The following PHF24 variants were observed in gnomAD, a reference collection of about 807,000 sequenced individuals.
The protein encoded by PHF24 is PHD finger protein 24.
A neutral mutation model predicts 42.6 loss-of-function variants in PHF24; 25 were observed. The ratio of observed to expected loss-of-function variants is 0.59; its 90% CI spans 0.43 to 0.82. PHF24 has a LOEUF of 0.82. PHF24 is among the 40% of genes least tolerant of loss of function. The pLI, the probability that PHF24 is intolerant of heterozygous loss-of-function variation, is 0.00. For synonymous variants in PHF24, 185 were observed against 204.8 expected, an observed-to-expected ratio of 0.90 and a Z score of 0.83; for missense variants, 470 against 538.1, an observed-to-expected ratio of 0.87 and a Z score of 1.25.
At chr9:34,698,770 G>A in the PHF24 span, among the ~76,000 whole-genome samples, 1 of 152,190 alleles carries the variant, frequency 6.6e-6, no homozygotes, top group South Asian at 2.1e-4. Context: ...GTGAGCCACC[G>A]TGCCCAGCCA....
chr9:34,832,655 T>A, the PHF24 span: 1 of 1,538,294 alleles, frequency 6.5e-7, no homozygotes, highest in Non-Finnish European at 8.8e-7. Context: ...CCAGAAAACA[T>A]TTAATTTTAT....
At chr9:34,894,561 A>T in the PHF24 span, 1 of 398,432 alleles carries the variant, frequency 2.5e-6, no homozygotes, top group Non-Finnish European at 4.4e-6. Context: ...GGGACATCCT[A>T]TAAGAAGCTG....
chr9:34,827,948 G>A, the PHF24 span, among the ~76,000 whole-genome samples: 7 of 152,144 alleles, frequency 4.6e-5, no homozygotes, highest in African/African-American at 1.7e-4. Context: ...TGCTGATACA[G>A]TCTTCCAAGA....
the PHF24 span, among the ~76,000 whole-genome samples, chr9:34,675,220 C>G: frequency 6.6e-6 from 1 of 152,112 alleles, no homozygotes; most frequent in African/African-American, 2.4e-5. Context: ...CAAGGGCCTG[C>G]AGGGGGCGTC....
chr9:34,889,637 T>G, the PHF24 span: 1 of 398,580 alleles, frequency 2.5e-6, no homozygotes, highest in Non-Finnish European at 4.4e-6. Flanking sequence ...CTGGAGCTTC[T>G]GGAAGGATGA....
chr9:34,788,764 G>T, the PHF24 span, among the ~76,000 whole-genome samples: 2 of 152,108 alleles, frequency 1.3e-5, no homozygotes, highest in African/African-American at 4.8e-5. Context: ...AATCTCACAC[G>T]CCAGAGACCA....
At chr9:34,665,700 A>T in the PHF24 span, 1 of 700,688 alleles carries the variant, frequency 1.4e-6, no homozygotes. Flanking sequence ...GGCATGATTG[A>T]ATCAGGGATT....
At chr9:34,726,741 A>T in the PHF24 span, 2 of 1,551,702 alleles carry the variant, frequency 1.3e-6, no homozygotes, top group Non-Finnish European at 1.7e-6. Context: ...GGGGTTACAG[A>T]TGACAGTGAA....
the PHF24 span, among the ~76,000 whole-genome samples, chr9:34,867,877 G>T: frequency 6.6e-6 from 1 of 152,082 alleles, no homozygotes; most frequent in African/African-American, 2.4e-5. Context: ...TGTAGATACT[G>T]TTGCTAAATT....
chr9:34,725,751 T>C, the PHF24 span: 6 of 1,549,370 alleles, frequency 3.9e-6, no homozygotes, highest in African/African-American at 1.4e-5. Flanking sequence ...GACATCCAGT[T>C]TGGGGAAAGT....
At chr9:34,724,128 G>T in the PHF24 span, 1 of 1,542,028 alleles carries the variant, frequency 6.5e-7, no homozygotes, top group Non-Finnish European at 8.8e-7. Context: ...ACATGGGCTG[G>T]GTCCTTGCTC....
At chr9:34,748,454 C>T in the PHF24 span, among the ~76,000 whole-genome samples, 1 of 152,130 alleles carries the variant, frequency 6.6e-6, no homozygotes, top group African/African-American at 2.4e-5. Flanking sequence ...TCAGGTCTGA[C>T]CCAGCACAGT....
the PHF24 span, among the ~76,000 whole-genome samples, chr9:34,703,193 G>C: frequency 6.9e-6 from 1 of 145,406 alleles, no homozygotes; most frequent in African/African-American, 2.6e-5. Context: ...TTTTTTTTTT[G>C]AGACGGAGTC....
At chr9:34,889,933 C>G in the PHF24 span, among the ~76,000 whole-genome samples, 1 of 152,150 alleles carries the variant, frequency 6.6e-6, no homozygotes, top group Admixed American at 6.5e-5. Flanking sequence ...TCGGCTTACT[C>G]TAACAGCTTT....
chr9:34,808,120 G>C, the PHF24 span, among the ~76,000 whole-genome samples: 1 of 152,160 alleles, frequency 6.6e-6, no homozygotes, highest in Non-Finnish European at 1.5e-5. Context: ...AAGGGCTCCG[G>C]ATTCAGAATA....
At chr9:34,981,660 T>G (rs2132951660) in exon 8 of PHF24, 1 of 152,082 alleles carries the variant, frequency 6.6e-6, no homozygotes, top group East Asian at 1.9e-4. Context: ...ACAGTTTTGA[T>G]GCCAGAACTT....
chr9:34,844,003 TTTC>T, the PHF24 span, among the ~76,000 whole-genome samples: 1 of 152,220 alleles, frequency 6.6e-6, no homozygotes, highest in African/African-American at 2.4e-5. Context: ...AGATTTTCTA[TTTC>T]TTCATGATTC....
chr9:34,971,428 C>T lies in PHF24; in HGVS notation c.130C>T (p.Arg44Cys), dbSNP rs377061980. 147 of 1,613,990 alleles carry T rather than the reference C, an allele frequency of 9.1e-5. No homozygotes were observed. The highest frequency in any genetic ancestry group is 1.6e-4 in the Middle Eastern group (1 of 6,084). ...ACGCACAGGTGAGCTGCCAGGGTCC[C>T]GCCGTGGCACTGTAGAGGGCTCCGT... Residue 44 changes from arginine (R) to cysteine (C), a missense_variant, in exon 2 of 8, where the codon CGC becomes TGC. By Grantham distance (180) the Arg-to-Cys change is radical. Transcript: ENST00000242315.
the PHF24 span, among the ~76,000 whole-genome samples, chr9:34,851,428 G>T: frequency 2.6e-5 from 4 of 152,182 alleles, no homozygotes; most frequent in Non-Finnish European, 2.9e-5. Context: ...TAATCTCCTG[G>T]TGCGCCGTTT....
Sources: gnomAD v4.1 joint callset for allele counts (sites outside exome capture counted in the v4.1 genomes callset) on GRCh38, gnomAD v4.1.1 for gene constraint, MANE v1.5 for transcripts, NCBI Gene and HGNC (gene_info 2026-07-23, HGNC 2026-07-21) for gene names.